Variants in ZNF875 observed in about 807,000 individuals in gnomAD.
ZNF875 encodes the protein zinc finger protein 875, also known as HKR1, GLI-Kruppel zinc finger family member.
A neutral mutation model predicts 11.2 loss-of-function variants in ZNF875; 14 were observed. The ratio of observed to expected loss-of-function variants is 1.26; its 90% confidence interval spans 0.83 to 1.96. ZNF875 has a LOEUF of 1.96. Among genes scored for constraint, ZNF875 ranks in the 30% most tolerant of loss-of-function variants. The probability of loss-of-function intolerance (pLI) is 0.00; values close to 1 mark genes in which losing one functional copy is unlikely to be tolerated. For synonymous variants in ZNF875, 301 were observed against 281.1 expected (o/e 1.07, Z -0.71); for missense variants, 752 against 760.4 (o/e 0.99, Z 0.13).
upstream of ZNF875, among the ~76,000 whole-genome samples, chr19:37,330,732 A>C (rs1815470102): frequency 6.6e-6 from 1 of 152,112 alleles, no homozygotes; most frequent in African/African-American, 2.4e-5. Flanking sequence ...TTTAAAATTA[A>C]TCTTTAATAA....
chr19:37,363,434 C>T lies in ZNF875; in HGVS notation c.1582C>T (p.His528Tyr). 6.2e-7 allele frequency: 1 copy of T among 1,614,164 alleles called. No homozygotes were observed. The highest frequency in any genetic ancestry group is 8.5e-7 in the Non-Finnish European group (1 of 1,180,028). ...CACCCTCATTTCACACCAGAGGACA[C>T]ATTCAGGGGAAAAGCCTTTTATGTG... ...KSTLISHQRT[H>Y]SGEKPFMCRE... Residue 528 changes from histidine to tyrosine, a missense_variant, in exon 5 of 5, where the codon CAT becomes TAT. His to Tyr is a moderately conservative substitution (Grantham distance 83, BLOSUM62 2). Transcript: ENST00000392153.
chr19:37,331,480 A>C (rs371574024), upstream of ZNF875, among the ~76,000 whole-genome samples: 4 of 151,150 alleles, frequency 2.6e-5, no homozygotes, highest in Non-Finnish European at 5.9e-5. Flanking sequence ...TGTACTAAGA[A>C]AAATTCTTCT....
rs1456811215 is a variant in ZNF875, at chr19:37,363,563, G to A, written c.1711G>A (p.Ala571Thr). 1.2e-6 allele frequency: 2 copies of A among 1,612,294 alleles called. No homozygotes were observed. ...CAGGGAGTGTGGGCAAGGCTTTTGT[G>A]CTAAGTTAACTCTCATTAAACACCA... ...VCRECGQGFC[A>T]KLTLIKHQRA... Residue 571 changes from alanine to threonine, a missense_variant, in exon 5 of 5, where the codon GCT (alanine) becomes ACT (threonine). Coordinates refer to ENST00000392153, the MANE Select transcript of ZNF875 (RefSeq NM_001353803.2).
chr19:37,356,180 T>C (rs1270589640), intron 4 of ZNF875, among the ~76,000 whole-genome samples: 1 of 152,216 alleles, frequency 6.6e-6, no homozygotes, highest in African/African-American at 2.4e-5. Flanking sequence ...AGTCCACTAT[T>C]GATGGGCCTA....
Position 37,362,570 on chromosome 19 carries a change from A to T in ZNF875, c.718A>T (p.Asn240Tyr). The T allele has an allele frequency of 4.3e-6, 7 of 1,614,220 alleles. No individual in the cohort carries two copies. Among genetic ancestry groups the T allele is most frequent in the Non-Finnish European group, 5.9e-6 (7 of 1,180,036 alleles). Residue 240 changes from asparagine (N) to tyrosine (Y), a missense_variant, in exon 5 of 5, where the codon AAC becomes TAC. Coordinates refer to ENST00000392153, the MANE Select transcript of ZNF875 (RefSeq NM_001353803.2). The stretch of plus-strand genomic sequence containing the variant: ...TGGGCCAGGCTTTATCAAGGAGTCA[A>T]ACCTCCTTAGCCTCCAGAAGACACA... ...EFGPGFIKES[N>Y]LLSLQKTQTG... is the part of the protein sequence containing the mutation.
intron 4 of ZNF875, among the ~76,000 whole-genome samples, chr19:37,325,675 A>G (rs561740436): frequency 4.6e-5 from 7 of 151,758 alleles, no homozygotes; most frequent in African/African-American, 1.7e-4. Context: ...CCTTCCAGGT[A>G]GTTTGGACTA....
upstream of ZNF875, chr19:37,315,549 A>G (rs2030142656): frequency 6.6e-6 from 1 of 152,172 alleles, no homozygotes; most frequent in Non-Finnish European, 1.5e-5. Flanking sequence ...AACCCTTTGA[A>G]ATGGAAAATT....
At chr19:37,342,559 T>C (rs766220768) in intron 2 of ZNF875, among the ~76,000 whole-genome samples, 2 of 152,016 alleles carry the variant, frequency 1.3e-5, no homozygotes, top group Non-Finnish European at 2.9e-5. Context: ...ATTACAGGCA[T>C]GCGCCACCAC....
In ZNF875 at chr19:37,363,431, A is replaced by T. The variant is rs2040310519; in HGVS notation, c.1579A>T (p.Thr527Ser). ...DKSTLISHQR[T>S]HSGEKPFMCR... ...GTCCACCCTCATTTCACACCAGAGG[A>T]CACATTCAGGGGAAAAGCCTTTTAT... Residue 527 changes from threonine to serine, a missense_variant, in exon 5 of 5, where the codon ACA becomes TCA. Thr to Ser is a moderately conservative substitution (Grantham distance 58). Transcript: ENST00000392153. The T allele has an allele frequency of 6.2e-7, 1 of 1,613,996 alleles. No homozygotes were observed. Among genetic ancestry groups the T allele is most frequent in the Non-Finnish European group, 8.5e-7 (1 of 1,179,880 alleles).
chr19:37,362,309 G>T lies in ZNF875; in HGVS notation c.457G>T (p.Glu153Ter). ...QDPFCFSGKA[E>*]WIQEGEDSRL... Reference sequence around the variant, plus strand: ...TCCATTCTGCTTTAGTGGCAAAGCAGAATGGATTCAAGAGGGAGAAGACTC... The same window carrying T: ...TCCATTCTGCTTTAGTGGCAAAGCATAATGGATTCAAGAGGGAGAAGACTC... The change falls in exon 5 of 5, where the codon GAA (glutamate) becomes TAA (stop). Residue 153 changes from glutamate to a stop codon, truncating the protein, a stop_gained. Coordinates refer to ENST00000392153, the MANE Select transcript of ZNF875 (RefSeq NM_001353803.2). LOFTEE classifies it low-confidence loss of function (END_TRUNC). The T allele has an allele frequency of 6.2e-7, 1 of 1,614,150 alleles. No homozygotes were observed. Among genetic ancestry groups the T allele is most frequent in the Non-Finnish European group, 8.5e-7 (1 of 1,180,022 alleles).
At chr19:37,312,871 G>A (rs1230655996) in exon 1 of ZNF875, 1 of 151,762 alleles carries the variant, frequency 6.6e-6, no homozygotes, top group African/African-American at 2.4e-5. Context: ...ACAGCCCGGA[G>A]GCACCTCCCA....
intron 2 of ZNF875, chr19:37,346,890 T>G (rs1354805685): frequency 1.1e-5 from 3 of 266,328 alleles, no homozygotes; most frequent in Admixed American, 5.0e-5. Flanking sequence ...TGAGACAGAG[T>G]TTTGCTCTTG....
At chr19:37,331,311 C>A (rs898253186), upstream of ZNF875, among the ~76,000 whole-genome samples, 1 of 136,552 alleles carries the variant, frequency 7.3e-6, no homozygotes, top group Non-Finnish European at 1.5e-5. Flanking sequence ...CTCACTGCAA[C>A]TTCTGCCTCC....
At chr19:37,322,106 G>GT (rs1263549913) in intron 1 of ZNF875, 6 of 152,256 alleles carry the variant, frequency 3.9e-5, no homozygotes, top group African/African-American at 7.2e-5. Context: ...CAGGGCAGGA[G>GT]TTTCTCATTT....
At position 37,346,848 on chromosome 19, in the gene ZNF875, C is replaced by G. The variant is rs533398047; in HGVS notation, c.34-342C>G. 1.9e-3 allele frequency: 510 copies of G among 274,244 alleles called. 3 individuals are homozygous for G. Among genetic ancestry groups the G allele is most frequent in the South Asian group, 2.7e-3 (80 of 30,020 alleles). The allele number at this position is 274,244 out of a possible 1,614,324, so 17.0% of individuals were successfully genotyped here. ...ATCTTTCCTACTTCCCTCAGGGAAG[C>G]CTTTTGACCTCTCATTCTTTTTTTT... On this transcript the variant is annotated intron_variant, in intron 2 of 4. Coordinates refer to ENST00000392153, the MANE Select transcript of ZNF875 (RefSeq NM_001353803.2).
chr19:37,324,443 G>A (rs1279847755), intron 4 of ZNF875, among the ~76,000 whole-genome samples: 1 of 152,078 alleles, frequency 6.6e-6, no homozygotes, highest in Non-Finnish European at 1.5e-5. Context: ...TAAAATTACT[G>A]CCAGGTTTCA....
At chr19:37,342,437 A>G (rs1264244240) in intron 2 of ZNF875, among the ~76,000 whole-genome samples, 3 of 147,862 alleles carry the variant, frequency 2.0e-5, no homozygotes, top group Admixed American at 6.7e-5. Context: ...TTTGAGATGA[A>G]GTTTCACTCT....
chr19:37,317,356 T>C (rs1162866477), upstream of ZNF875, among the ~76,000 whole-genome samples: 1 of 151,930 alleles, frequency 6.6e-6, no homozygotes, highest in Non-Finnish European at 1.5e-5. Context: ...CCGGCTAATT[T>C]TTTGTATTTT....
At chr19:37,334,855 C>T in intron 1 of ZNF875, 73 bp downstream of exon 1, 1 of 461,658 alleles carries the variant, frequency 2.2e-6, no homozygotes, top group Non-Finnish European at 4.3e-6. Flanking sequence ...CTGGGAGCCG[C>T]AGAGCTATCT....
Sources: allele counts gnomAD v4.1 joint callset (sites outside exome capture counted in the v4.1 genomes callset), GRCh38; gene constraint gnomAD v4.1.1; transcripts MANE v1.5; gene names NCBI Gene and HGNC (gene_info 2026-07-23, HGNC 2026-07-21).